Variants in RP1 observed in about 807,000 individuals in gnomAD.
The protein encoded by RP1 is oxygen-regulated protein 1.
In RP1, 16 loss-of-function variants were observed where a neutral mutation model predicts 14.8. The observed-to-expected ratio is 1.08, with a 90% CI of 0.73 to 1.65. The LOEUF (loss-of-function observed/expected upper bound fraction) is 1.65. Among genes scored for constraint, RP1 ranks in the 40% most tolerant of loss-of-function variants. RP1 has a pLI of 0.00. For synonymous variants in RP1, 876 were observed against 883.6 expected (o/e 0.99, Z 0.15); for missense variants, 2,631 against 2,535.0 (o/e 1.04, Z -0.81).
chr8:54,829,595 A>G (rs1811472096), intron 24 of RP1, among the ~76,000 whole-genome samples: 1 of 152,192 alleles, frequency 6.6e-6, no homozygotes, highest in African/African-American at 2.4e-5. Context: ...AGATGAATAT[A>G]AGGAGGCTCT....
chr8:54,678,553 T>C (rs1807351064), intron 9 of RP1: 3 of 1,527,850 alleles, frequency 2.0e-6, no homozygotes, highest in Middle Eastern at 3.4e-4. Flanking sequence ...AGGTGTACTT[T>C]TACATCGAAA....
intron 25 of RP1, among the ~76,000 whole-genome samples, chr8:54,850,458 C>T (rs1434218084): frequency 6.6e-6 from 1 of 152,158 alleles, no homozygotes; most frequent in Non-Finnish European, 1.5e-5. Flanking sequence ...ATTTATCAGC[C>T]TTGTACTTTT....
At position 54,622,784 on chromosome 8, in the gene RP1, G is replaced by T. The variant is rs76070336; in HGVS notation, c.787+496G>T. 7.6e-3 allele frequency among the ~76,000 whole-genome samples: 1,162 copies of T among 152,272 alleles called. 19 individuals carry two copies. Among genetic ancestry groups the T allele is most frequent in the African/African-American group, 0.027 (1,103 of 41,538 alleles). On this transcript the variant is annotated intron_variant, in intron 3 of 3. Transcript: ENST00000220676. ...CCACATTTTATTTATTAAATAAAAG[G>T]TTCATGCAACCAATTCATGCTGGTT... is the stretch of plus-strand genomic sequence containing the variant.
At chr8:54,736,242 C>A (rs556347787) in intron 18 of RP1, among the ~76,000 whole-genome samples, 1 of 152,090 alleles carries the variant, frequency 6.6e-6, no homozygotes, top group East Asian at 1.9e-4. Flanking sequence ...GCAATAAGAT[C>A]TTTTCTTTCT....
chr8:54,836,457 G>A (rs534021031), intron 24 of RP1, among the ~76,000 whole-genome samples: 1 of 152,312 alleles, frequency 6.6e-6, no homozygotes, highest in South Asian at 2.1e-4. Context: ...CCTACTCTAA[G>A]TTATACATGC....
At chr8:54,812,322 A>G (rs1585713612) in intron 24 of RP1, among the ~76,000 whole-genome samples, 1 of 152,078 alleles carries the variant, frequency 6.6e-6, no homozygotes, top group Non-Finnish European at 1.5e-5. Flanking sequence ...TGTATTTTTA[A>G]TAGAGACAGG....
Position 54,626,934 on chromosome 8 carries a change from G to A in RP1, c.3052G>A (p.Val1018Ile), listed in dbSNP as rs766796673. The change falls in exon 4 of 4, where the codon GTT (valine) becomes ATT (isoleucine). Residue 1018 changes from valine to isoleucine, a missense_variant. Transcript: ENST00000220676. ...QVGSLNDAYL[V>I]PLHEHCTLSQ... ...TGGATCTCTGAATGATGCTTATTTG[G>A]TTCCCCTGCATGAACACTGTACTTT... 7.6e-5 allele frequency: 122 copies of A among 1,613,746 alleles called. No individual in the cohort carries two copies. Among genetic ancestry groups the A allele is most frequent in the Non-Finnish European group, 1.0e-4 (118 of 1,179,970 alleles).
At chr8:54,835,346 G>A (rs542087918) in intron 24 of RP1, among the ~76,000 whole-genome samples, 1 of 152,184 alleles carries the variant, frequency 6.6e-6, no homozygotes, top group African/African-American at 2.4e-5. Context: ...GGTTCTAGTT[G>A]GCTAACCCAG....
chr8:54,651,932 G>A (rs534225679), intron 4 of RP1, among the ~76,000 whole-genome samples: 1 of 151,278 alleles, frequency 6.6e-6, no homozygotes, highest in Non-Finnish European at 1.5e-5. Flanking sequence ...GTTTTCACTT[G>A]TCTCAAAGTA....
rs144912888 is a variant in RP1 at position 54,682,014 on chromosome 8, G to A, written c.1717+2081G>A. ...TGCTGCAGTGAACGTACGCAGGCATGTATCTTCATAATAGTATGATTTATA... is the reference window on the plus strand; with the variant it reads ...TGCTGCAGTGAACGTACGCAGGCATATATCTTCATAATAGTATGATTTATA... On this transcript the variant is annotated intron_variant, in intron 12 of 22. Transcript: ENST00000636932. 3.1e-3 allele frequency among the ~76,000 whole-genome samples: 478 copies of A among 152,178 alleles called. 5 individuals are homozygous for A. Among genetic ancestry groups the A allele is most frequent in the African/African-American group, 0.011 (458 of 41,542 alleles).
intron 24 of RP1, among the ~76,000 whole-genome samples, chr8:54,814,475 A>G (rs1254919489): frequency 6.6e-6 from 1 of 152,230 alleles, no homozygotes; most frequent in Non-Finnish European, 1.5e-5. Context: ...ACAAGAAGCC[A>G]TAATGGATAA....
chr8:54,844,763 C>T (rs75642797), intron 25 of RP1, among the ~76,000 whole-genome samples: 1 of 152,180 alleles, frequency 6.6e-6, no homozygotes, highest in Non-Finnish European at 1.5e-5. Flanking sequence ...AAATGATATT[C>T]TTATGTGATC....
At chr8:54,859,518 C>G (rs1186310331) in intron 27 of RP1, among the ~76,000 whole-genome samples, 2 of 149,336 alleles carry the variant, frequency 1.3e-5, no homozygotes, top group East Asian at 4.0e-4. Flanking sequence ...TAGGAGGAAT[C>G]ACTGTAGGGC....
upstream of RP1, among the ~76,000 whole-genome samples, chr8:54,612,338 G>A (rs1026678300): frequency 6.6e-6 from 1 of 152,182 alleles, no homozygotes; most frequent in Non-Finnish European, 1.5e-5. Context: ...AATGCAGGCT[G>A]CTGTCCCCAC....
chr8:54,824,719 C>T (rs987668881), intron 24 of RP1, among the ~76,000 whole-genome samples: 3 of 152,190 alleles, frequency 2.0e-5, no homozygotes, highest in Non-Finnish European at 4.4e-5. Context: ...TATACCGTGA[C>T]CAAGTAAGAT....
intron 14 of RP1, among the ~76,000 whole-genome samples, chr8:54,702,662 G>C (rs1483066493): frequency 3.3e-5 from 5 of 152,104 alleles, no homozygotes; most frequent in African/African-American, 1.2e-4. Flanking sequence ...AATGAAGTTT[G>C]CCACAGTGAT....
At chr8:54,808,543 C>G (rs1299120188) in intron 24 of RP1, among the ~76,000 whole-genome samples, 1 of 152,180 alleles carries the variant, frequency 6.6e-6, no homozygotes, top group Non-Finnish European at 1.5e-5. Flanking sequence ...AACTCTTAGC[C>G]TATTTTATGG....
chr8:54,707,105 CTATT>C (rs1197534380), intron 15 of RP1, among the ~76,000 whole-genome samples: 2 of 152,078 alleles, frequency 1.3e-5, no homozygotes, highest in Non-Finnish European at 2.9e-5. Context: ...GACTAGGAAG[CTATT>C]TTAAATTCTA....
intron 18 of RP1, among the ~76,000 whole-genome samples, chr8:54,738,631 G>A (rs1026417289): frequency 3.9e-5 from 6 of 151,978 alleles, no homozygotes; most frequent in African/African-American, 1.5e-4. Flanking sequence ...AACTCAGAAA[G>A]TGTTGGCTTC....
Sources: gnomAD v4.1 joint callset for allele counts (sites outside exome capture counted in the v4.1 genomes callset) on GRCh38, gnomAD v4.1.1 for gene constraint, MANE v1.5 for transcripts, NCBI Gene and HGNC (gene_info 2026-07-23, HGNC 2026-07-21) for gene names.